CDH18: variants seen among roughly 807,000 people sequenced by gnomAD.
The protein encoded by CDH18 is cadherin 18, also known as cadherin-18.
In CDH18, 31 loss-of-function variants were observed where a neutral mutation model predicts 67.9. The ratio of observed to expected loss-of-function variants is 0.46; its 90% CI spans 0.34 to 0.62. CDH18 has a LOEUF of 0.62. Ranked by LOEUF, CDH18 falls within the 20% of genes least tolerant of loss-of-function variation. The probability of loss-of-function intolerance (pLI) is 0.01; values close to 1 mark genes in which losing one functional copy is unlikely to be tolerated. For missense variants in CDH18, 890 were observed against 975.5 expected (o/e 0.91, Z 1.17); for synonymous variants, 362 against 347.2 (o/e 1.04, Z -0.48).
At chr5:19,702,064 A>C (rs934606945) in intron 5 of CDH18, among the ~76,000 whole-genome samples, 3 of 151,838 alleles carry the variant, frequency 2.0e-5, no homozygotes, top group African/African-American at 7.3e-5. Context: ...CCCCTAAGGA[A>C]AAATCCACCA....
intron 1 of CDH18, among the ~76,000 whole-genome samples, chr5:20,512,443 T>C (rs1755096186): frequency 6.6e-6 from 1 of 152,178 alleles, no homozygotes; most frequent in South Asian, 2.1e-4. Flanking sequence ...CTACAAGTGA[T>C]CTTATAATTA....
At chr5:20,194,104 A>G (rs1004867429) in intron 2 of CDH18, among the ~76,000 whole-genome samples, 4 of 152,064 alleles carry the variant, frequency 2.6e-5, no homozygotes, top group Non-Finnish European at 5.9e-5. Context: ...ATAGTATTGG[A>G]AGTTCTGGCC....
intron 5 of CDH18, among the ~76,000 whole-genome samples, chr5:19,645,714 A>C (rs1754641758): frequency 6.6e-6 from 1 of 152,198 alleles, no homozygotes; most frequent in Admixed American, 6.5e-5. Context: ...AAACACAAGA[A>C]AGATGGATAA....
At chr5:19,565,072 C>T (rs1561358567) in intron 8 of CDH18, among the ~76,000 whole-genome samples, 1 of 151,320 alleles carries the variant, frequency 6.6e-6, no homozygotes, top group Non-Finnish European at 1.5e-5. Context: ...CAGGCTGTGG[C>T]TCCTGGACAG....
intron 2 of CDH18, among the ~76,000 whole-genome samples, chr5:20,019,435 A>G (rs1015299708): frequency 1.3e-5 from 2 of 151,996 alleles, no homozygotes; most frequent in African/African-American, 2.4e-5. Context: ...TAACCCCCCA[A>G]TGTTGGAGGA....
At chr5:19,763,994 CAAA>C (rs60958986) in intron 3 of CDH18, among the ~76,000 whole-genome samples, 1 of 65,304 alleles carries the variant, frequency 1.5e-5, no homozygotes, top group South Asian at 8.8e-4. Context: ...ACTAAAAATA[CAAA>C]AAAAAAAAAA....
At chr5:20,447,317 G>C (rs1750076318) in intron 1 of CDH18, among the ~76,000 whole-genome samples, 1 of 151,642 alleles carries the variant, frequency 6.6e-6, no homozygotes, top group Non-Finnish European at 1.5e-5. Flanking sequence ...AAGAGGCGAA[G>C]CCTTTAAGAG....
chr5:20,198,709 C>G (rs371031264), intron 2 of CDH18, among the ~76,000 whole-genome samples: 9 of 152,074 alleles, frequency 5.9e-5, no homozygotes, highest in Non-Finnish European at 1.2e-4. Flanking sequence ...ATGTCAGAGG[C>G]CTTTGGAGCA....
intron 1 of CDH18, among the ~76,000 whole-genome samples, chr5:20,349,936 T>G (rs1436295507): frequency 6.6e-6 from 1 of 152,142 alleles, no homozygotes; most frequent in Admixed American, 6.5e-5. Context: ...TTGCATTGTT[T>G]TAAAGATGAT....
At chr5:20,078,656 G>A (rs540819240) in intron 2 of CDH18, among the ~76,000 whole-genome samples, 2 of 151,524 alleles carry the variant, frequency 1.3e-5, no homozygotes, top group African/African-American at 2.4e-5. Flanking sequence ...GCTGGAGTGC[G>A]GTGGCTCACC....
intron 2 of CDH18, among the ~76,000 whole-genome samples, chr5:19,937,095 T>G (rs981498769): frequency 1.3e-5 from 2 of 151,424 alleles, no homozygotes; most frequent in African/African-American, 2.4e-5. Context: ...CCAATTTTAT[T>G]AGTTTAAAAC....
rs1312093790 is a variant in CDH18, at chr5:20,535,802, A to G, written c.-580+39660T>C. On this transcript the variant is annotated intron_variant, in intron 1 of 14. Coordinates refer to the CDH18 transcript ENST00000507958. ...AATCCAGATGAGAGTTCACAGCACC[A>G]AAGTGAATATATCTGGAGATTTCTG... 2.6e-5 allele frequency among the ~76,000 whole-genome samples: 4 copies of G among 152,150 alleles called. No homozygotes were observed. The East Asian group carries it at 7.7e-4, about 29-fold the overall frequency.
At chr5:20,169,690 A>G (rs1444080883) in intron 2 of CDH18, among the ~76,000 whole-genome samples, 1 of 152,152 alleles carries the variant, frequency 6.6e-6, no homozygotes, top group East Asian at 1.9e-4. Context: ...GTAATCCTCT[A>G]TGTTATTAAA....
intron 2 of CDH18, among the ~76,000 whole-genome samples, chr5:19,887,169 T>G (rs537107417): frequency 6.6e-6 from 1 of 151,432 alleles, no homozygotes; most frequent in Non-Finnish European, 1.5e-5. Context: ...TTTTTTTTTT[T>G]GCTACCCTTG....
At chr5:20,029,234 T>G (rs1739175597) in intron 2 of CDH18, among the ~76,000 whole-genome samples, 1 of 152,172 alleles carries the variant, frequency 6.6e-6, no homozygotes, top group Non-Finnish European at 1.5e-5. Flanking sequence ...TAGTGCATAT[T>G]AGTACTGTTT....
chr5:19,645,753 G>T (rs1331082749), intron 5 of CDH18, among the ~76,000 whole-genome samples: 3 of 152,100 alleles, frequency 2.0e-5, no homozygotes, highest in African/African-American at 7.2e-5. Flanking sequence ...TCATGCGACT[G>T]CCATTAACAT....
At chr5:20,368,596 GA>G (rs1742711296) in intron 1 of CDH18, among the ~76,000 whole-genome samples, 1 of 152,080 alleles carries the variant, frequency 6.6e-6, no homozygotes, top group South Asian at 2.1e-4. Flanking sequence ...TTGAATTGAA[GA>G]AAAAAGTACC....
chr5:19,829,310 AC>A (rs1780767563), intron 3 of CDH18, among the ~76,000 whole-genome samples: 1 of 152,148 alleles, frequency 6.6e-6, no homozygotes, highest in South Asian at 2.1e-4. Context: ...TACCTAGAAA[AC>A]CCTATAGTCT....
In CDH18 at chr5:20,543,982, T is replaced by C. The variant is rs137923758; in HGVS notation, c.-580+31480A>G. On this transcript the variant is annotated intron_variant, in intron 1 of 14. Transcript: ENST00000507958. ...AAATCTTCAAGGAATATAGAACACA[T>C]ATTTATTTTCTTTCAATTGTCTATG... Among the ~76,000 whole-genome samples, 6 of 152,252 alleles carry C rather than the reference T, an allele frequency of 3.9e-5. No individual in the cohort carries two copies. The East Asian group carries it at 1.2e-3, about 29-fold the overall frequency.
Sources: gnomAD v4.1 joint callset for allele counts (sites outside exome capture counted in the v4.1 genomes callset) on GRCh38, gnomAD v4.1.1 for gene constraint, MANE v1.5 for transcripts, NCBI Gene and HGNC (gene_info 2026-07-23, HGNC 2026-07-21) for gene names.